The following ERCC8 variants were observed in gnomAD, a reference collection of about 807,000 sequenced individuals.
The protein encoded by ERCC8 is ERCC excision repair 8, CSA ubiquitin ligase complex subunit.
Under a neutral mutation model 54.9 loss-of-function variants are expected in ERCC8, and 52 were observed. The observed-to-expected ratio is 0.95, with a 90% confidence interval of 0.76 to 1.19. The LOEUF (loss-of-function observed/expected upper bound fraction) is 1.19, where lower values mean the gene tolerates loss of function less well. ERCC8 is among the 50% of genes most tolerant of loss of function. ERCC8 has a pLI of 0.00. For missense variants in ERCC8, 514 were observed against 466.1 expected, an observed-to-expected ratio of 1.10 and a Z score of -0.95; for synonymous variants, 146 against 157.2, an observed-to-expected ratio of 0.93 and a Z score of 0.53.
rs1747770591 is a variant in ERCC8, at chr5:60,867,183, A to G, written c.*7432T>C. Among the ~76,000 whole-genome samples, 1 of 152,050 alleles carries G rather than the reference A, an allele frequency of 6.6e-6. No homozygotes were observed. Among genetic ancestry groups the G allele is most frequent in the Non-Finnish European group, 1.5e-5 (1 of 68,020 alleles). ...AAAAAAGAAGGAAAAAAAATATCCA[A>G]ATGTATATGTTTCCTTGGTAGTGAC... On this transcript the variant is annotated 3_prime_UTR_variant, in exon 12 of 12. Coordinates refer to ENST00000676185, the MANE Select transcript of ERCC8 (RefSeq NM_000082.4).
At chr5:60,890,580 C>T (rs1404735946) in intron 10 of ERCC8, among the ~76,000 whole-genome samples, 1 of 152,150 alleles carries the variant, frequency 6.6e-6, no homozygotes, top group African/African-American at 2.4e-5. Flanking sequence ...TATTTTATTT[C>T]TTACCCAAAA....
At chr5:60,925,756 T>C (rs777177168) in intron 2 of ERCC8, among the ~76,000 whole-genome samples, 12 of 152,168 alleles carry the variant, frequency 7.9e-5, no homozygotes, top group Non-Finnish European at 1.5e-5. Flanking sequence ...CTATTTGCCA[T>C]TTTTAGTCTC....
chr5:60,877,254 C>A (rs536016249), intron 11 of ERCC8, among the ~76,000 whole-genome samples: 4 of 152,178 alleles, frequency 2.6e-5, no homozygotes, highest in Non-Finnish European at 5.9e-5. Flanking sequence ...TGTTTTGGTA[C>A]CAGTACCGTG....
chr5:60,881,199 G>A (rs949953914), intron 11 of ERCC8, among the ~76,000 whole-genome samples: 1 of 152,174 alleles, frequency 6.6e-6, no homozygotes, highest in Admixed American at 6.5e-5. Flanking sequence ...AGCAAATGTT[G>A]CTAGCTGATC....
chr5:60,884,678 A>G (rs983690811), intron 11 of ERCC8, among the ~76,000 whole-genome samples: 5 of 152,080 alleles, frequency 3.3e-5, no homozygotes, highest in African/African-American at 4.8e-5. Context: ...TGGACAGACT[A>G]TTCTACTGGG....
chr5:60,907,905 T>C (rs1412769784), intron 4 of ERCC8, among the ~76,000 whole-genome samples: 1 of 152,180 alleles, frequency 6.6e-6, no homozygotes, highest in African/African-American at 2.4e-5. Flanking sequence ...ATCACACTAT[T>C]CTTCCAATAT....
chr5:60,940,488 GA>G (rs1169796118), intron 1 of ERCC8, among the ~76,000 whole-genome samples: 1 of 152,182 alleles, frequency 6.6e-6, no homozygotes, highest in Non-Finnish European at 1.5e-5. Flanking sequence ...TTTCTGGCTA[GA>G]TGGCCAAAAC....
intron 11 of ERCC8, among the ~76,000 whole-genome samples, chr5:60,882,693 C>T (rs1334704401): frequency 4.6e-5 from 7 of 152,052 alleles, no homozygotes; most frequent in African/African-American, 1.4e-4. Flanking sequence ...GGGCACGAAA[C>T]TATTATTAAA....
intron 7 of ERCC8, among the ~76,000 whole-genome samples, chr5:60,900,066 C>A (rs559038234): frequency 1.1e-4 from 16 of 152,108 alleles, no homozygotes; most frequent in African/African-American, 3.4e-4. Context: ...CCTTACCATA[C>A]CTTTTCTACT....
chr5:60,910,234 C>CA (rs1433009125), intron 4 of ERCC8, among the ~76,000 whole-genome samples: 2 of 152,088 alleles, frequency 1.3e-5, no homozygotes, highest in Non-Finnish European at 2.9e-5. Flanking sequence ...TATCCAGTTC[C>CA]ACTGTATGGT....
At chr5:60,911,059 T>C (rs1229190765) in intron 4 of ERCC8, among the ~76,000 whole-genome samples, 5 of 152,126 alleles carry the variant, frequency 3.3e-5, no homozygotes, top group Non-Finnish European at 5.9e-5. Flanking sequence ...TATTTTTATT[T>C]TTATATATTT....
intron 2 of ERCC8, among the ~76,000 whole-genome samples, chr5:60,927,774 C>T (rs902101288): frequency 1.1e-4 from 16 of 152,148 alleles, no homozygotes; most frequent in African/African-American, 3.9e-4. Context: ...AGGTGTTACA[C>T]TGAGCCTGGA....
intron 3 of ERCC8, among the ~76,000 whole-genome samples, chr5:60,918,819 A>G (rs1366734169): frequency 6.6e-6 from 1 of 152,064 alleles, no homozygotes; most frequent in Non-Finnish European, 1.5e-5. Flanking sequence ...ATGGTATTCT[A>G]TACAATATTG....
At position 60,870,358 on chromosome 5, in the gene ERCC8, G is replaced by C. The variant is rs1280820377; in HGVS notation, c.*4257C>G. Among the ~76,000 whole-genome samples, 1 of 151,588 alleles carries C rather than the reference G, an allele frequency of 6.6e-6. No individual in the cohort carries two copies. ...ATAAGACAATGAAAGAGAAGTCGAA[G>C]TCAGGCCCGGCACGGTGGCTCACGC... On this transcript the variant is annotated 3_prime_UTR_variant, in exon 12 of 12. Transcript: ENST00000676185.
intron 2 of ERCC8, among the ~76,000 whole-genome samples, chr5:60,927,994 A>G (rs1360247829): frequency 6.6e-6 from 1 of 152,214 alleles, no homozygotes; most frequent in Admixed American, 6.5e-5. Flanking sequence ...TGCTAAACAT[A>G]CCATAACACC....
At chr5:60,884,907 T>C (rs1748351012) in intron 11 of ERCC8, among the ~76,000 whole-genome samples, 1 of 152,204 alleles carries the variant, frequency 6.6e-6, no homozygotes, top group Non-Finnish European at 1.5e-5. Context: ...TGTGATTTTC[T>C]AACTTGTTTT....
intron 7 of ERCC8, 106 bp downstream of exon 7, chr5:60,902,336 G>C (rs571540096): frequency 2.4e-6 from 2 of 826,286 alleles, no homozygotes; most frequent in Non-Finnish European, 3.9e-6. Flanking sequence ...TTAAAGGAGT[G>C]AATTAATAAT....
At chr5:60,899,577 A>G in intron 8 of ERCC8, 50 bp downstream of exon 8, 1 of 1,376,528 alleles carries the variant, frequency 7.3e-7, no homozygotes, top group Non-Finnish European at 1.0e-6. Context: ...AAAATTTTCA[A>G]TGTAAAAAAA....
chr5:60,870,410 C>T lies in ERCC8; in HGVS notation c.*4205G>A, dbSNP rs1022524450. Among the ~76,000 whole-genome samples the T allele has an allele frequency of 4.9e-5, 7 of 143,190 alleles. No individual in the cohort carries two copies. Among genetic ancestry groups the T allele is most frequent in the Middle Eastern group, 3.5e-3 (1 of 282 alleles). 93.9% of individuals were successfully genotyped at this position (143,190 alleles called of 152,430 possible). ...TGTAAATCCCAGCACTTTGGGAGGCCGAGGCTGGTGGATCACTAGAGCCCA... is the reference window on the plus strand; with the variant it reads ...TGTAAATCCCAGCACTTTGGGAGGCTGAGGCTGGTGGATCACTAGAGCCCA... On this transcript the variant is annotated 3_prime_UTR_variant, in exon 12 of 12. Coordinates refer to ENST00000676185, the MANE Select transcript of ERCC8 (RefSeq NM_000082.4).
Sources: gnomAD v4.1 joint callset for allele counts (sites outside exome capture counted in the v4.1 genomes callset) on GRCh38, gnomAD v4.1.1 for gene constraint, MANE v1.5 for transcripts, NCBI Gene and HGNC (gene_info 2026-07-23, HGNC 2026-07-21) for gene names.